The following DNM3 variants were observed in gnomAD, a reference collection of about 807,000 sequenced individuals.
The protein encoded by DNM3 is dynamin-3.
A neutral mutation model predicts 101.6 loss-of-function variants in DNM3; 47 were observed. That is an observed-to-expected ratio of 0.46 (90% CI 0.37 to 0.59). The LOEUF is 0.59. Ranked by LOEUF, DNM3 falls within the 20% of genes least tolerant of loss-of-function variation. DNM3 has a pLI of 0.00. For missense variants in DNM3, 849 were observed against 1,085.7 expected (o/e 0.78, Z 3.06); for synonymous variants, 385 against 387.9 (o/e 0.99, Z 0.09).
Position 171,967,812 on chromosome 1 carries a change from CT to C in DNM3, c.236-19841del, listed in dbSNP as rs563363011. ...CCTTCCCATAACTTGTTCCATCCAGCTTTCAAAGACAATCATTTACAAAATA... is the reference window on the plus strand; with the variant it reads ...CCTTCCCATAACTTGTTCCATCCAGCTTCAAAGACAATCATTTACAAAATA... On this transcript the variant is annotated intron_variant, in intron 2 of 20. Transcript: ENST00000627582. Among the ~76,000 whole-genome samples, 10 of 152,258 alleles carry C rather than the reference CT, an allele frequency of 6.6e-5. No homozygotes were observed. In the East Asian group the frequency reaches 1.7e-3, roughly 26 times the overall value.
In DNM3 at chr1:172,205,378, T is replaced by G. The variant is rs191915768; in HGVS notation, c.1660-48195T>G. 5.9e-5 allele frequency among the ~76,000 whole-genome samples: 9 copies of G among 152,242 alleles called. No individual in the cohort carries two copies. In the East Asian group the frequency reaches 1.7e-3, roughly 29 times the overall value. ...GTTCTTACACTTTTTAGTCTCAGGA[T>G]CTGTTTAAACTCTTAAAAATATTGA... On this transcript the variant is annotated intron_variant, in intron 14 of 20. Coordinates refer to ENST00000627582, the MANE Select transcript of DNM3 (RefSeq NM_015569.5).
chr1:172,271,946 T>C (rs933441390), intron 15 of DNM3, among the ~76,000 whole-genome samples: 3 of 152,276 alleles, frequency 2.0e-5, no homozygotes, highest in South Asian at 4.1e-4. Flanking sequence ...TGGTGATAGA[T>C]ATGAGTTTTC....
rs2063551775 is a variant in DNM3 at position 172,283,096 on chromosome 1, A to G, written c.1770-25632A>G. ...GGCTTCTTTGCATTATCAGAAAATT[A>G]TCCTTCATATCCTTGTGCCACATTG... On this transcript the variant is annotated intron_variant, in intron 15 of 20. Transcript: ENST00000627582. Among the ~76,000 whole-genome samples, 5 of 152,102 alleles carry G rather than the reference A, an allele frequency of 3.3e-5. No homozygotes were observed. In the South Asian group the frequency reaches 8.3e-4, roughly 25 times the overall value.
chr1:171,932,964 C>T (rs921446385), intron 2 of DNM3, among the ~76,000 whole-genome samples: 2 of 152,140 alleles, frequency 1.3e-5, no homozygotes, highest in African/African-American at 2.4e-5. Flanking sequence ...CTTTTTGCCT[C>T]GTGTCTTCTA....
At chr1:171,909,929 G>A (rs1002085708) in intron 1 of DNM3, among the ~76,000 whole-genome samples, 9 of 152,152 alleles carry the variant, frequency 5.9e-5, no homozygotes, top group South Asian at 2.1e-4. Flanking sequence ...AATAACACTT[G>A]CCACACGCTT....
At chr1:172,228,265 G>C (rs533675690) in intron 14 of DNM3, among the ~76,000 whole-genome samples, 2 of 151,718 alleles carry the variant, frequency 1.3e-5, no homozygotes, top group South Asian at 4.2e-4. Context: ...CTGGGGCTTT[G>C]AGATTTGACC....
In DNM3 at chr1:172,326,585, ATTTCCT is replaced by A. The variant is rs1162500332; in HGVS notation, c.1893+3249_1893+3254del. Among the ~76,000 whole-genome samples, 6 of 152,016 alleles carry A rather than the reference ATTTCCT, an allele frequency of 3.9e-5. No homozygotes were observed. In the East Asian group the frequency reaches 1.2e-3, roughly 29 times the overall value. On this transcript the variant is annotated intron_variant, in intron 17 of 20. Coordinates refer to ENST00000627582, the MANE Select transcript of DNM3 (RefSeq NM_015569.5). ...TTGTGTCTTAGACACAAGCCATTTG[ATTTCCT>A]TTTTGAATGTGATGGCTTCTCTTGG...
intron 10 of DNM3, among the ~76,000 whole-genome samples, chr1:172,052,284 TA>T (rs1331502459): frequency 6.6e-6 from 1 of 152,146 alleles, no homozygotes; most frequent in Non-Finnish European, 1.5e-5. Flanking sequence ...GGTGGTTTCC[TA>T]TCTGTACTCT....
intron 14 of DNM3, among the ~76,000 whole-genome samples, chr1:172,219,679 C>T (rs2060837871): frequency 1.3e-5 from 2 of 152,236 alleles, no homozygotes; most frequent in South Asian, 4.1e-4. Flanking sequence ...CAGAGGGAGA[C>T]AGACACAAGG....
At chr1:172,151,212 T>G (rs2058114104) in intron 14 of DNM3, among the ~76,000 whole-genome samples, 1 of 152,204 alleles carries the variant, frequency 6.6e-6, no homozygotes, top group Non-Finnish European at 1.5e-5. Flanking sequence ...GTGCAGTGTT[T>G]TTTTGTAATC....
rs898712804 is a variant in DNM3 at position 172,291,574 on chromosome 1, C to G, written c.1770-17154C>G. Among the ~76,000 whole-genome samples, 101 of 152,072 alleles carry G rather than the reference C, an allele frequency of 6.6e-4. 1 individual carries two copies. The highest frequency in any genetic ancestry group is 1.8e-4 in the Non-Finnish European group (12 of 68,032). On this transcript the variant is annotated intron_variant, in intron 15 of 20. Transcript: ENST00000627582. ...TATTTTTTCACTGTGAAGTATGAAG[C>G]AAGATTCTCCATTAAGTATGAGTGA... is the stretch of plus-strand genomic sequence containing the variant.
At chr1:172,045,960 C>T (rs1236701292) in intron 9 of DNM3, among the ~76,000 whole-genome samples, 1 of 152,166 alleles carries the variant, frequency 6.6e-6, no homozygotes, top group Non-Finnish European at 1.5e-5. Flanking sequence ...GTTGGTGGGA[C>T]TGTAAACTAG....
chr1:171,913,024 A>C (rs1235140301), intron 1 of DNM3, among the ~76,000 whole-genome samples: 1 of 152,216 alleles, frequency 6.6e-6, no homozygotes, highest in Admixed American at 6.5e-5. Flanking sequence ...TAAGCAAATA[A>C]AATGGATTAA....
intron 15 of DNM3, among the ~76,000 whole-genome samples, chr1:172,298,690 T>C (rs192542224): frequency 1.3e-5 from 2 of 152,146 alleles, no homozygotes; most frequent in African/African-American, 2.4e-5. Context: ...TAAGCCATCA[T>C]CTTCCCGGAA....
At chr1:172,189,442 G>A (rs79019560) in intron 14 of DNM3, among the ~76,000 whole-genome samples, 30 of 152,010 alleles carry the variant, frequency 2.0e-4, no homozygotes, top group Admixed American at 9.2e-4. Context: ...ATCAAGTTGA[G>A]GAAAATAGAC....
intron 14 of DNM3, among the ~76,000 whole-genome samples, chr1:172,142,694 C>A (rs1431024515): frequency 2.1e-5 from 3 of 141,770 alleles, no homozygotes; most frequent in Admixed American, 7.1e-5. Flanking sequence ...ATTAAATATA[C>A]ATTAAATGAA....
chr1:171,980,449 G>T (rs2044704065), intron 2 of DNM3, among the ~76,000 whole-genome samples: 1 of 152,072 alleles, frequency 6.6e-6, no homozygotes, highest in African/African-American at 2.4e-5. Flanking sequence ...ATTTCTTAGT[G>T]TTGGGAACAT....
chr1:171,995,954 C>T (rs189306665), intron 4 of DNM3, among the ~76,000 whole-genome samples: 91 of 152,052 alleles, frequency 6.0e-4, no homozygotes, highest in Non-Finnish European at 7.9e-4. Context: ...TTCACCTAAA[C>T]GGGATTTGAG....
At chr1:172,082,234 G>A (rs1314100516) in intron 12 of DNM3, among the ~76,000 whole-genome samples, 1 of 151,830 alleles carries the variant, frequency 6.6e-6, no homozygotes, top group African/African-American at 2.4e-5. Flanking sequence ...AAATTTTGAG[G>A]GGAACAGTTT....
Sources: allele counts gnomAD v4.1 joint callset (sites outside exome capture counted in the v4.1 genomes callset), GRCh38; gene constraint gnomAD v4.1.1; transcripts MANE v1.5; gene names NCBI Gene and HGNC (gene_info 2026-07-23, HGNC 2026-07-21).